Variants in BIRC3 observed in about 807,000 individuals in gnomAD.
The protein encoded by BIRC3 is baculoviral IAP repeat-containing protein 3.
A neutral mutation model predicts 59.0 loss-of-function variants in BIRC3; 26 were observed. The ratio of observed to expected loss-of-function variants is 0.44; its 90% CI spans 0.32 to 0.61. The LOEUF (loss-of-function observed/expected upper bound fraction) is 0.61, where lower values mean the gene tolerates loss of function less well. Ranked by LOEUF, BIRC3 falls within the 20% of genes least tolerant of loss-of-function variation. The probability of loss-of-function intolerance (pLI) is 0.04; values close to 1 mark genes in which losing one functional copy is unlikely to be tolerated. For missense variants in BIRC3, 641 were observed against 711.5 expected, an observed-to-expected ratio of 0.90 and a Z score of 1.13; for synonymous variants, 243 against 249.2, an observed-to-expected ratio of 0.98 and a Z score of 0.24.
chr11:102,337,778 TC>T lies in BIRC3; in HGVS notation c.*679del, dbSNP rs17885412. Reference sequence around the variant, plus strand: ...CAATGACATTGGATAGTTTAGTCACTCCCAGACTCTTTCCATACCTTCTTAA... The same window carrying T: ...CAATGACATTGGATAGTTTAGTCACTCCAGACTCTTTCCATACCTTCTTAA... On this transcript the variant is annotated 3_prime_UTR_variant, in exon 9 of 9. Coordinates refer to ENST00000263464, the MANE Select transcript of BIRC3 (RefSeq NM_001165.5). 170 of 236,914 alleles carry T rather than the reference TC, an allele frequency of 7.2e-4. No individual in the cohort carries two copies. Among genetic ancestry groups the T allele is most frequent in the African/African-American group, 3.6e-3 (164 of 45,642 alleles). The allele number at this position is 236,914 out of a possible 1,614,324, so 14.7% of individuals were successfully genotyped here.
rs1951212048 is a variant in BIRC3, at chr11:102,337,810, C to T, written c.*708C>T. 4.3e-6 allele frequency: 1 copy of T among 233,266 alleles called. No individual in the cohort carries two copies. The allele number at this position is 233,266 out of a possible 1,614,324, so 14.4% of individuals were successfully genotyped here. A position where few individuals can be genotyped will look rare whatever the true frequency, so the allele number is the denominator to read the frequency against. On this transcript the variant is annotated 3_prime_UTR_variant, in exon 9 of 9. Coordinates refer to ENST00000263464, the MANE Select transcript of BIRC3 (RefSeq NM_001165.5). The stretch of plus-strand genomic sequence containing the variant: ...CTCTTTCCATACCTTCTTAAAGCCT[C>T]TCAAATATTGAACTACAGTTTATAC...
intron 1 of BIRC3, among the ~76,000 whole-genome samples, chr11:102,319,617 G>A (rs1213488126): frequency 1.3e-5 from 2 of 152,194 alleles, no homozygotes; most frequent in African/African-American, 4.8e-5. Flanking sequence ...TCTTTTCTTT[G>A]AGAAACAGAA....
rs3740932 is a variant in BIRC3, at chr11:102,337,684, A to G, written c.*582A>G. On this transcript the variant is annotated 3_prime_UTR_variant, in exon 9 of 9. Transcript: ENST00000263464. ...GACATTTTAGGGACATGGTGTTTTTATAAAGAATTCTGTGAGAAAAAATTT... is the reference window on the plus strand; with the variant it reads ...GACATTTTAGGGACATGGTGTTTTTGTAAAGAATTCTGTGAGAAAAAATTT... 0.021 allele frequency: 6,156 copies of G among 295,642 alleles called. 771 individuals carry two copies. The East Asian group carries it at 0.26, about 13-fold the overall frequency. 18.3% of individuals were successfully genotyped at this position (295,642 alleles called of 1,614,324 possible). A position where few individuals can be genotyped will look rare whatever the true frequency, so the allele number is the denominator to read the frequency against.
chr11:102,325,118 G>A lies in BIRC3; in HGVS notation c.609G>A (p.Val203=). The A allele has an allele frequency of 3.1e-6, 5 of 1,614,170 alleles. No individual in the cohort carries two copies. Among genetic ancestry groups the A allele is most frequent in the Admixed American group, 1.7e-5 (1 of 60,024 alleles). Residue 203 remains valine, a synonymous_variant, in exon 2 of 9, where the codon GTG becomes GTA. Transcript: ENST00000263464. ...ACTACATAGGACCTGGAGACAGAGT[G>A]GCTTGCTTTGCCTGTGGTGGAAAAT... is the stretch of plus-strand genomic sequence containing the variant. ...GFYYIGPGDR[V]ACFACGGKLS... is the part of the protein sequence containing the mutation.
intron 6 of BIRC3, 111 bp from the exon 7 acceptor site, chr11:102,335,855 C>A (rs1951189941): frequency 1.8e-6 from 2 of 1,131,148 alleles, no homozygotes; most frequent in African/African-American, 1.6e-5. Flanking sequence ...ACATCAATGC[C>A]TTACTGATTA....
At chr11:102,327,626 C>T (rs560223042) in intron 3 of BIRC3, among the ~76,000 whole-genome samples, 42 of 151,042 alleles carry the variant, frequency 2.8e-4, no homozygotes, top group Middle Eastern at 3.4e-3. Context: ...GGTGACAGAG[C>T]GAGACTCTGT....
At chr11:102,335,524 T>A (rs1481864892) in intron 6 of BIRC3, among the ~76,000 whole-genome samples, 1 of 152,216 alleles carries the variant, frequency 6.6e-6, no homozygotes, top group Admixed American at 6.5e-5. Context: ...TCTCATTTGT[T>A]AAATGAGGCT....
intron 7 of BIRC3, 194 bp from the exon 8 acceptor site, chr11:102,336,566 C>A: frequency 1.6e-6 from 1 of 620,704 alleles, no homozygotes; most frequent in Non-Finnish European, 2.7e-6. Context: ...TGCACTCCAG[C>A]TTGGGTGACA....
In BIRC3 at chr11:102,335,920, T is replaced by C. The variant is rs780768255; in HGVS notation, c.1325-46T>C. The stretch of plus-strand genomic sequence containing the variant: ...ATATATAGGACTGGAAGGAAGTTTG[T>C]GAGCAGAGTTTGAACATGTTTATGC... On this transcript the variant is annotated intron_variant, in intron 6 of 8. Transcript: ENST00000263464. 3 of 1,555,180 alleles carry C rather than the reference T, an allele frequency of 1.9e-6. No individual in the cohort carries two copies. The East Asian group carries it at 6.8e-5, about 35-fold the overall frequency.
rs573325847 is a variant in BIRC3, at chr11:102,339,199, T to G, written c.*2097T>G. 2 of 166,700 alleles carry G rather than the reference T, an allele frequency of 1.2e-5. No individual in the cohort carries two copies. The highest frequency in any genetic ancestry group is 5.3e-4 in the South Asian group (2 of 3,744). 10.3% of individuals were successfully genotyped at this position (166,700 alleles called of 1,614,324 possible). On this transcript the variant is annotated 3_prime_UTR_variant, in exon 9 of 9. Transcript: ENST00000263464. Reference sequence around the variant, plus strand: ...GGTATTTAAATAGTAGGCACCCTTTTTGCACCATGTGTTTTTTTTTTTATC... The same window carrying G: ...GGTATTTAAATAGTAGGCACCCTTTGTGCACCATGTGTTTTTTTTTTTATC...
intron 6 of BIRC3, 74 bp from the exon 7 acceptor site, chr11:102,335,892 T>A (rs1951190318): frequency 7.0e-7 from 1 of 1,429,960 alleles, no homozygotes; most frequent in Admixed American, 2.1e-5. Flanking sequence ...TTTATCCTGC[T>A]ATATATATAG....
At chr11:102,327,532 C>T (rs541791474) in intron 3 of BIRC3, among the ~76,000 whole-genome samples, 15 of 151,854 alleles carry the variant, frequency 9.9e-5, no homozygotes, top group African/African-American at 2.4e-4. Flanking sequence ...CTCAGCTACT[C>T]GGGAGGCTGA....
At chr11:102,330,893 AT>A (rs1951131035) in intron 5 of BIRC3, 105 bp from the exon 6 acceptor site, 2 of 1,215,836 alleles carry the variant, frequency 1.6e-6, no homozygotes, top group Admixed American at 6.1e-5. Context: ...TTGGTTTTAC[AT>A]TTTTAATATT....
intron 5 of BIRC3, 146 bp from the exon 6 acceptor site, chr11:102,330,853 G>T: frequency 1.3e-6 from 1 of 780,104 alleles, no homozygotes; most frequent in Non-Finnish European, 1.9e-6. Context: ...ATTTAACAAT[G>T]TTCATACAAA....
chr11:102,328,778 G>A (rs1951108906), intron 4 of BIRC3, 119 bp from the exon 5 acceptor site: 1 of 311,148 alleles, frequency 3.2e-6, no homozygotes, highest in Non-Finnish European at 5.4e-6. Context: ...CAGTAAGCAA[G>A]TGGTTTGCAA....
chr11:102,332,013 C>T lies in BIRC3; in HGVS notation c.1324+772C>T, dbSNP rs17884955. ...TGACTATACATTAATACACAAATTA[C>T]TATTAAGTCCCCTACCTGTCCACAC... On this transcript the variant is annotated intron_variant, in intron 6 of 8. Coordinates refer to ENST00000263464, the MANE Select transcript of BIRC3 (RefSeq NM_001165.5). 3.3e-5 allele frequency among the ~76,000 whole-genome samples: 5 copies of T among 152,272 alleles called. No homozygotes were observed. The East Asian group carries it at 9.7e-4, about 30-fold the overall frequency.
In BIRC3 at chr11:102,339,227, G is replaced by C. The variant is rs1951231101; in HGVS notation, c.*2125G>C. On this transcript the variant is annotated 3_prime_UTR_variant, in exon 9 of 9. Coordinates refer to ENST00000263464, the MANE Select transcript of BIRC3 (RefSeq NM_001165.5). ...CACCATGTGTTTTTTTTTTTATCTAGTTCTTGTATACTACAGATAATATTT... is the reference window on the plus strand; with the variant it reads ...CACCATGTGTTTTTTTTTTTATCTACTTCTTGTATACTACAGATAATATTT... 5.2e-6 allele frequency: 1 copy of C among 191,084 alleles called. No homozygotes were observed. The allele number at this position is 191,084 out of a possible 1,614,324, so 11.8% of individuals were successfully genotyped here.
intron 7 of BIRC3, 150 bp from the exon 8 acceptor site, chr11:102,336,610 T>C: frequency 1.3e-6 from 1 of 756,292 alleles, no homozygotes; most frequent in Non-Finnish European, 2.1e-6. Flanking sequence ...ATCTAATTTA[T>C]AGATATTAGT....
Position 102,321,817 on chromosome 11 carries a change from T to A in BIRC3, c.-2673-20T>A, listed in dbSNP as rs1281991407. On this transcript the variant is annotated intron_variant, in intron 1 of 8. Transcript: ENST00000263464. ...AGTCGTTTGAGTTTTAAAACTGTCTTTTTGTTTGTTTTTGAACAGGTTTAC... is the reference window on the plus strand; with the variant it reads ...AGTCGTTTGAGTTTTAAAACTGTCTATTTGTTTGTTTTTGAACAGGTTTAC... The A allele has an allele frequency of 5.7e-6, 1 of 176,358 alleles. No individual in the cohort carries two copies. The highest frequency in any genetic ancestry group is 1.2e-5 in the Non-Finnish European group (1 of 81,698). 10.9% of individuals were successfully genotyped at this position (176,358 alleles called of 1,614,324 possible).
Sources: allele counts gnomAD v4.1 joint callset (sites outside exome capture counted in the v4.1 genomes callset), GRCh38; gene constraint gnomAD v4.1.1; transcripts MANE v1.5; gene names NCBI Gene and HGNC (gene_info 2026-07-23, HGNC 2026-07-21).